Variants in SHQ1 observed in about 807,000 individuals in gnomAD.
SHQ1 encodes the protein SHQ1, H/ACA ribonucleoprotein assembly factor.
Under a neutral mutation model 53.8 loss-of-function variants are expected in SHQ1, and 49 were observed. The ratio of observed to expected loss-of-function variants is 0.91; its 90% confidence interval spans 0.72 to 1.16. The LOEUF (loss-of-function observed/expected upper bound fraction) is 1.16. Ranked by LOEUF, SHQ1 falls within the 50% of genes most tolerant of loss-of-function variation. The pLI is 0.00. For missense variants in SHQ1, 738 were observed against 683.1 expected, an observed-to-expected ratio of 1.08 and a Z score of -0.90; for synonymous variants, 243 against 251.0, an observed-to-expected ratio of 0.97 and a Z score of 0.30.
At chr3:72,807,811 T>C (rs751823224) in intron 9 of SHQ1, among the ~76,000 whole-genome samples, 1 of 152,208 alleles carries the variant, frequency 6.6e-6, no homozygotes, top group Admixed American at 6.5e-5. Flanking sequence ...ATTTTATCTA[T>C]GGAAGAGGTT....
intron 2 of SHQ1, among the ~76,000 whole-genome samples, chr3:72,843,992 G>C (rs1385910905): frequency 1.3e-5 from 2 of 152,210 alleles, no homozygotes; most frequent in Middle Eastern, 3.2e-3. Context: ...TAAAGTTCAA[G>C]TTTGAAAATT....
intron 4 of SHQ1, among the ~76,000 whole-genome samples, chr3:72,832,705 C>G (rs1707860861): frequency 6.6e-6 from 1 of 152,158 alleles, no homozygotes. Context: ...ATCCTTACAA[C>G]AAACAAGCTG....
chr3:72,777,294 A>G (rs1290357860), intron 10 of SHQ1, among the ~76,000 whole-genome samples: 1 of 152,194 alleles, frequency 6.6e-6, no homozygotes, highest in Non-Finnish European at 1.5e-5. Flanking sequence ...TATTTGCAAC[A>G]TATTTAACCC....
the SHQ1 span, among the ~76,000 whole-genome samples, chr3:72,736,825 TCA>T: frequency 6.8e-6 from 1 of 146,268 alleles, no homozygotes; most frequent in African/African-American, 2.5e-5. Context: ...TAAAAGATCC[TCA>T]GTTTGCAGGC....
chr3:72,726,984 G>C, the SHQ1 span, among the ~76,000 whole-genome samples: 1 of 152,164 alleles, frequency 6.6e-6, no homozygotes. Flanking sequence ...TCTAGTCAGA[G>C]GAACAGAGAC....
chr3:72,806,956 G>A (rs777829105), intron 9 of SHQ1, among the ~76,000 whole-genome samples: 14 of 152,138 alleles, frequency 9.2e-5, no homozygotes, highest in Non-Finnish European at 1.3e-4. Flanking sequence ...TAGTGAACAC[G>A]TCCCCAAATA....
intron 10 of SHQ1, among the ~76,000 whole-genome samples, chr3:72,780,201 A>G (rs1706043019): frequency 1.3e-5 from 2 of 152,258 alleles, no homozygotes; most frequent in South Asian, 4.1e-4. Context: ...AAGGATATGT[A>G]GTGCTGCCAC....
At chr3:72,842,748 C>A (rs1396767653) in intron 2 of SHQ1, among the ~76,000 whole-genome samples, 1 of 152,124 alleles carries the variant, frequency 6.6e-6, no homozygotes, top group African/African-American at 2.4e-5. Context: ...AGGTTCTTAA[C>A]AAGGGTTTTT....
In SHQ1 at chr3:72,833,499, T is replaced by TAGACAGAC. The variant is rs58448242; in HGVS notation, c.487-1026_487-1019dup. Among the ~76,000 whole-genome samples the TAGACAGAC allele has an allele frequency of 4.3e-3, 162 of 37,456 alleles. 2 individuals carry two copies. The highest frequency in any genetic ancestry group is 0.016 in the Middle Eastern group (1 of 62). The allele number at this position is 37,456 out of a possible 152,430, so 24.6% of individuals were successfully genotyped here. A position where few individuals can be genotyped will look rare whatever the true frequency, so the allele number is the denominator to read the frequency against. The stretch of plus-strand genomic sequence containing the variant: ...ATAGATAGATAGATAGATAGATAGA[T>TAGACAGAC]AGACAGACAGACAGACAGATAGATG... On this transcript the variant is annotated intron_variant, in intron 4 of 10. Coordinates refer to ENST00000325599, the MANE Select transcript of SHQ1 (RefSeq NM_018130.3).
chr3:72,730,678 T>C, the SHQ1 span, among the ~76,000 whole-genome samples: 1 of 152,192 alleles, frequency 6.6e-6, no homozygotes. Flanking sequence ...ATGCCTATTA[T>C]TTCAGTGGAC....
downstream of SHQ1, among the ~76,000 whole-genome samples, chr3:72,747,492 T>C (rs555683121): frequency 7.9e-5 from 12 of 152,316 alleles, no homozygotes; most frequent in East Asian, 1.9e-3. Flanking sequence ...ATCTACTGCT[T>C]TGAAAGACTT....
chr3:72,776,989 A>G (rs1242798481), intron 10 of SHQ1, among the ~76,000 whole-genome samples: 2 of 152,214 alleles, frequency 1.3e-5, no homozygotes, highest in African/African-American at 2.4e-5. Context: ...TGAAGCCAGG[A>G]TATGGTTATC....
intron 5 of SHQ1, among the ~76,000 whole-genome samples, chr3:72,825,428 TA>T (rs1346128000): frequency 6.6e-6 from 1 of 151,414 alleles, no homozygotes; most frequent in East Asian, 1.9e-4. Context: ...TCATATTTTC[TA>T]CCAAGATAAA....
rs576612795 is a variant in SHQ1, at chr3:72,750,506, A to C, written c.1512T>G (p.Ile504Met). 9.9e-6 allele frequency: 16 copies of C among 1,614,224 alleles called. No individual in the cohort carries two copies. The South Asian group carries it at 1.8e-4, about 18-fold the overall frequency. ...TGTTTCTGCGTACTCCACCATCAAC[A>C]ATAAGAAAGGCACTGCTTTCTTCAA... ...PFLEESSAFLIVDGGVRRNTA... is the reference protein window; with the variant it reads ...PFLEESSAFLMVDGGVRRNTA... The change falls in exon 11 of 11, where the codon ATT becomes ATG. Residue 504 changes from isoleucine to methionine, a missense_variant. Physicochemically the swap from Ile to Met is conservative, Grantham distance 10. Transcript: ENST00000325599.
chr3:72,741,019 A>G, the SHQ1 span, among the ~76,000 whole-genome samples: 1 of 152,234 alleles, frequency 6.6e-6, no homozygotes, highest in African/African-American at 2.4e-5. Context: ...GACTTGGATT[A>G]TCCCAGCTCT....
the SHQ1 span, among the ~76,000 whole-genome samples, chr3:72,734,805 C>T: frequency 6.6e-6 from 1 of 151,600 alleles, no homozygotes; most frequent in South Asian, 2.1e-4. Context: ...CAGGGATCGT[C>T]GCACTATTGC....
intron 5 of SHQ1, among the ~76,000 whole-genome samples, chr3:72,829,357 C>A (rs1030468302): frequency 1.3e-5 from 2 of 152,210 alleles, no homozygotes; most frequent in Non-Finnish European, 2.9e-5. Flanking sequence ...CACTTAATTA[C>A]AATAAAAATA....
At chr3:72,818,728 T>C (rs980508979) in intron 6 of SHQ1, among the ~76,000 whole-genome samples, 33 of 152,168 alleles carry the variant, frequency 2.2e-4, no homozygotes, top group African/African-American at 8.0e-4. Context: ...TTATATTCCA[T>C]TATTAGCAGA....
chr3:72,781,351 C>T (rs75638790), intron 10 of SHQ1, among the ~76,000 whole-genome samples: 29,414 of 151,990 alleles, frequency 0.19, 3,262 homozygotes, highest in Non-Finnish European at 0.24. Context: ...ACACCATGCA[C>T]AGCCTCAGGT....
Sources: allele counts gnomAD v4.1 joint callset (sites outside exome capture counted in the v4.1 genomes callset), GRCh38; gene constraint gnomAD v4.1.1; transcripts MANE v1.5; gene names NCBI Gene and HGNC (gene_info 2026-07-23, HGNC 2026-07-21).